Variants in LRRC4C observed in about 807,000 individuals in gnomAD.
LRRC4C encodes leucine rich repeat containing 4C, also known as leucine-rich repeat-containing protein 4C.
LRRC4C carries 5 observed loss-of-function variants against 33.6 expected under a neutral mutation model. The observed-to-expected ratio is 0.15, with a 90% confidence interval of 0.08 to 0.31. The LOEUF (loss-of-function observed/expected upper bound fraction) is 0.31, where lower values mean the gene tolerates loss of function less well. Ranked by LOEUF, LRRC4C falls within the 10% of genes least tolerant of loss-of-function variation. LRRC4C has a pLI of 1.00. For synonymous variants in LRRC4C, 329 were observed against 302.0 expected, an observed-to-expected ratio of 1.09 and a Z score of -0.93; for missense variants, 560 against 796.7, an observed-to-expected ratio of 0.70 and a Z score of 3.58.
intron 1 of LRRC4C, among the ~76,000 whole-genome samples, chr11:41,397,904 C>T (rs1953880761): frequency 1.3e-5 from 2 of 151,766 alleles, no homozygotes; most frequent in Non-Finnish European, 2.9e-5. Flanking sequence ...TACCTTATAG[C>T]TAATTCTCTC....
chr11:40,493,497 G>A (rs1326078604), intron 3 of LRRC4C, among the ~76,000 whole-genome samples: 3 of 152,002 alleles, frequency 2.0e-5, no homozygotes, highest in Non-Finnish European at 2.9e-5. Context: ...TGATTACAGC[G>A]ATCACAGATG....
chr11:41,368,812 T>G (rs1329299343), intron 1 of LRRC4C, among the ~76,000 whole-genome samples: 1 of 152,234 alleles, frequency 6.6e-6, no homozygotes, highest in Non-Finnish European at 1.5e-5. Context: ...TTGGAATTCT[T>G]TTCCTATCTA....
chr11:40,725,001 G>C (rs1191734822), intron 2 of LRRC4C, among the ~76,000 whole-genome samples: 1 of 152,110 alleles, frequency 6.6e-6, no homozygotes, highest in Non-Finnish European at 1.5e-5. Flanking sequence ...TTACTTTCTT[G>C]CCTCCCTTAA....
At chr11:41,358,996 T>A (rs1952256250) in intron 1 of LRRC4C, among the ~76,000 whole-genome samples, 1 of 152,114 alleles carries the variant, frequency 6.6e-6, no homozygotes, top group Non-Finnish European at 1.5e-5. Flanking sequence ...GGTGAACAGA[T>A]AAACTGAGGT....
At chr11:40,315,214 A>G (rs1945515443) in intron 4 of LRRC4C, among the ~76,000 whole-genome samples, 1 of 151,900 alleles carries the variant, frequency 6.6e-6, no homozygotes. Context: ...CAGACAGGAA[A>G]AAATGAAAAA....
chr11:41,219,580 T>C (rs989229188), intron 1 of LRRC4C, among the ~76,000 whole-genome samples: 3 of 152,226 alleles, frequency 2.0e-5, no homozygotes, highest in Non-Finnish European at 4.4e-5. Context: ...CCTGAAGGAA[T>C]TTCCATTTAT....
intron 1 of LRRC4C, among the ~76,000 whole-genome samples, chr11:41,192,322 ATGTGTGTGTGTGTG>A (rs112844436): frequency 2.1e-5 from 3 of 146,240 alleles, no homozygotes; most frequent in African/African-American, 7.5e-5. Context: ...CATGAATTAA[ATGTGTGTGTGTGTG>A]TGTGTGTGTG....
intron 4 of LRRC4C, among the ~76,000 whole-genome samples, chr11:40,315,695 T>A (rs889042753): frequency 1.3e-5 from 2 of 152,012 alleles, no homozygotes; most frequent in African/African-American, 4.8e-5. Context: ...CCTGTAGATA[T>A]GTCTTCATTT....
intron 4 of LRRC4C, among the ~76,000 whole-genome samples, chr11:40,297,483 A>C (rs1944569091): frequency 6.6e-6 from 1 of 152,176 alleles, no homozygotes; most frequent in African/African-American, 2.4e-5. Flanking sequence ...AATATTCTAT[A>C]GATATTGTAT....
intron 2 of LRRC4C, among the ~76,000 whole-genome samples, chr11:40,916,013 G>A (rs1313975411): frequency 6.6e-6 from 1 of 152,188 alleles, no homozygotes; most frequent in South Asian, 2.1e-4. Flanking sequence ...GCTCATACCA[G>A]TTAGAATGGC....
In LRRC4C at chr11:40,426,522, C is replaced by T. The variant is rs186132401; in HGVS notation, c.-269-106801G>A. On this transcript the variant is annotated intron_variant, in intron 3 of 6. Coordinates refer to ENST00000528697, the MANE Select transcript of LRRC4C (RefSeq NM_001258419.2). ...TGCTCAAATATCATCTTATCAAGAA[C>T]GCCTACTCTGACCAGTTCACTTAGC... Among the ~76,000 whole-genome samples the T allele has an allele frequency of 2.1e-3, 316 of 152,246 alleles. 3 individuals are homozygous for T. The highest frequency in any genetic ancestry group is 3.4e-3 in the Middle Eastern group (1 of 294).
chr11:41,075,326 A>T (rs1939068256), intron 1 of LRRC4C, among the ~76,000 whole-genome samples: 1 of 152,104 alleles, frequency 6.6e-6, no homozygotes, highest in African/African-American at 2.4e-5. Context: ...CAGATAAAAA[A>T]ATATTGTTTT....
chr11:40,500,293 T>C lies in LRRC4C; in HGVS notation c.-270+147849A>G, dbSNP rs11828239. On this transcript the variant is annotated intron_variant, in intron 3 of 6. Transcript: ENST00000528697. ...TCTGATATATATATATATATATATA[T>C]ACACACACACACACACACACACACA... Among the ~76,000 whole-genome samples the C allele has an allele frequency of 1.7e-3, 162 of 96,858 alleles. 1 individual carries two copies. The highest frequency in any genetic ancestry group is 5.1e-3 in the South Asian group (14 of 2,732). 63.5% of individuals were successfully genotyped at this position (96,858 alleles called of 152,430 possible). A position where few individuals can be genotyped will look rare whatever the true frequency, so the allele number is the denominator to read the frequency against.
At chr11:40,520,790 G>A (rs570955096) in intron 3 of LRRC4C, among the ~76,000 whole-genome samples, 1 of 152,226 alleles carries the variant, frequency 6.6e-6, no homozygotes, top group Non-Finnish European at 1.5e-5. Flanking sequence ...TATCTTTGAT[G>A]TGCAATAAAG....
rs183051187 is a variant in LRRC4C at position 40,243,178 on chromosome 11, C to A, written c.-175-1580G>T. ...ATGGTAATGTAATGACAGCAAGATA[C>A]CCTTTTAAGTTTTATGTGTTCAAAT... On this transcript the variant is annotated intron_variant, in intron 4 of 6. Coordinates refer to ENST00000528697, the MANE Select transcript of LRRC4C (RefSeq NM_001258419.2). Among the ~76,000 whole-genome samples the A allele has an allele frequency of 4.0e-3, 604 of 152,184 alleles. 2 individuals carry two copies. The highest frequency in any genetic ancestry group is 0.01 in the Middle Eastern group (3 of 294).
intron 5 of LRRC4C, among the ~76,000 whole-genome samples, 198 bp downstream of exon 5, chr11:40,241,321 G>A (rs910085113): frequency 8.5e-5 from 13 of 152,152 alleles, no homozygotes. Flanking sequence ...GCTGGAGACT[G>A]CAGTGAGCTA....
At chr11:41,157,715 T>C (rs998386840) in intron 1 of LRRC4C, among the ~76,000 whole-genome samples, 1 of 152,106 alleles carries the variant, frequency 6.6e-6, no homozygotes, top group African/African-American at 2.4e-5. Flanking sequence ...TTTGATATGA[T>C]TTTGTATTAG....
intron 2 of LRRC4C, among the ~76,000 whole-genome samples, chr11:40,789,093 GAA>G (rs397956716): frequency 1.7e-4 from 11 of 63,526 alleles, no homozygotes; most frequent in South Asian, 1.5e-3. Flanking sequence ...TCCGTCTCGG[GAA>G]AAAAAAAAAA....
intron 1 of LRRC4C, among the ~76,000 whole-genome samples, chr11:41,069,788 C>A (rs972752945): frequency 1.3e-5 from 2 of 152,104 alleles, no homozygotes; most frequent in Non-Finnish European, 2.9e-5. Flanking sequence ...AATGAAAAAT[C>A]ATTCCATCCT....
Sources: gnomAD v4.1 joint callset for allele counts (sites outside exome capture counted in the v4.1 genomes callset) on GRCh38, gnomAD v4.1.1 for gene constraint, MANE v1.5 for transcripts, NCBI Gene and HGNC (gene_info 2026-07-23, HGNC 2026-07-21) for gene names.